Variants in TCEANC observed in about 807,000 individuals in gnomAD.
TCEANC encodes transcription elongation factor A N-terminal and central domain containing.
A neutral mutation model predicts 8.7 loss-of-function variants in TCEANC; 8 were observed. The observed-to-expected ratio is 0.92, with a 90% CI of 0.54 to 1.65. TCEANC has a LOEUF of 1.65. TCEANC is among the 40% of genes most tolerant of loss of function. TCEANC has a pLI of 0.00. For synonymous variants in TCEANC, 78 were observed against 92.9 expected (o/e 0.84, Z 0.92); for missense variants, 255 against 251.9 (o/e 1.01, Z -0.08).
chrX:13,661,866 A>G (rs189558542), intron 1 of TCEANC, among the ~76,000 whole-genome samples: 1 of 112,300 alleles, frequency 8.9e-6, no homozygotes, highest in Admixed American at 9.4e-5. Flanking sequence ...CTTGTTCAGA[A>G]GACTCCTAAG....
chrX:13,662,777 C>T lies in TCEANC; in HGVS notation c.269C>T (p.Pro90Leu), dbSNP rs781199391. The T allele has an allele frequency of 1.2e-5, 15 of 1,209,715 alleles. No homozygotes were observed. Among genetic ancestry groups the T allele is most frequent in the Admixed American group, 2.2e-5 (1 of 45,699 alleles). ...ACTCACTCCAAAGCGAGGAACAGCC[C>T]TAAATTATTTCCTGTGAGGGGTAAT... is the stretch of plus-strand genomic sequence containing the variant. The change falls in exon 2 of 2, where the codon CCT becomes CTT. Residue 90 changes from proline to leucine, a missense_variant. Physicochemically the swap from Pro to Leu is moderately conservative, Grantham distance 98. Transcript: ENST00000380600.
chrX:13,656,762 C>G (rs917894458), intron 1 of TCEANC, among the ~76,000 whole-genome samples: 1 of 112,765 alleles, frequency 8.9e-6, no homozygotes, highest in Non-Finnish European at 1.9e-5. Context: ...GAATATTATT[C>G]ATTCTTAAAA....
At chrX:13,660,924 A>T (rs1220512793) in intron 1 of TCEANC, among the ~76,000 whole-genome samples, 107 bp from the exon 4 acceptor site, 2 of 111,710 alleles carry the variant, frequency 1.8e-5, no homozygotes, top group African/African-American at 3.3e-5. Flanking sequence ...GGCTCACTGC[A>T]AACTCCGCCT....
At chrX:13,656,706 G>A (rs1027112666) in intron 1 of TCEANC, among the ~76,000 whole-genome samples, 3 of 112,962 alleles carry the variant, frequency 2.7e-5, no homozygotes, top group Non-Finnish European at 3.7e-5. Flanking sequence ...TCAAGTATCC[G>A]TTGACATTTG....
At chrX:13,664,903 C>G (rs1427614321) in exon 2 of TCEANC, 1 of 123,206 alleles carries the variant, frequency 8.1e-6, no homozygotes, top group African/African-American at 3.2e-5. Context: ...TTTACTTTGG[C>G]GGTCTCTACA....
chrX:13,654,833 T>TTTTG (rs67785561), upstream of TCEANC, among the ~76,000 whole-genome samples: 2 of 107,612 alleles, frequency 1.9e-5, no homozygotes, highest in Admixed American at 1.0e-4. Context: ...ACCATGGTTT[T>TTTTG]TTTGTTTGTT....
chrX:13,662,732 G>A lies in TCEANC; in HGVS notation c.224G>A (p.Trp75Ter). 1 of 1,211,529 alleles carries A rather than the reference G, an allele frequency of 8.3e-7. No homozygotes were observed. The highest frequency in any genetic ancestry group is 2.2e-5 in the Admixed American group (1 of 45,977). Residue 75 changes from tryptophan (W) to a stop codon, truncating the protein, a stop_gained, in exon 2 of 2, where the codon TGG becomes TAG. Coordinates refer to ENST00000380600, the Ensembl canonical transcript of TCEANC. LOFTEE classifies it low-confidence loss of function (END_TRUNC). ...AAAGCCAAGTGTTTGCTATCAAAGTGGAAAGCTGTTTATAAGCAGACTCAC... is the reference window on the plus strand; with the variant it reads ...AAAGCCAAGTGTTTGCTATCAAAGTAGAAAGCTGTTTATAAGCAGACTCAC...
exon 2 of TCEANC, chrX:13,665,258 G>A (rs1249106266): frequency 8.1e-6 from 1 of 123,620 alleles, no homozygotes; most frequent in Non-Finnish European, 1.9e-5. Context: ...CAGTGGTTAC[G>A]AAAGAGCACA....
chrX:13,655,983 G>A (rs2045921396), intron 1 of TCEANC, among the ~76,000 whole-genome samples: 1 of 112,681 alleles, frequency 8.9e-6, no homozygotes, highest in South Asian at 3.6e-4. Flanking sequence ...AGGGCTTTCA[G>A]CAGGAAAATG....
At chrX:13,662,593 C>T in exon 2 of TCEANC, 1 of 1,211,647 alleles carries the variant, frequency 8.3e-7, no homozygotes, top group South Asian at 1.8e-5. Context: ...TCTTGGCAAC[C>T]ACCTTACTGA....
exon 2 of TCEANC, chrX:13,662,852 T>G (rs754245008): frequency 5.0e-6 from 6 of 1,211,707 alleles, no homozygotes; most frequent in Non-Finnish European, 6.7e-6. Flanking sequence ...AATGAGACAC[T>G]GGGCATCTGC....
intron 1 of TCEANC, among the ~76,000 whole-genome samples, chrX:13,657,676 C>A (rs1177754699): frequency 9.1e-6 from 1 of 110,485 alleles, no homozygotes; most frequent in Non-Finnish European, 1.9e-5. Context: ...GGCGTGGTGG[C>A]ACATGCCTGT....
At chrX:13,656,347 C>A (rs1462432216) in intron 1 of TCEANC, among the ~76,000 whole-genome samples, 6 of 112,441 alleles carry the variant, frequency 5.3e-5, no homozygotes, top group Admixed American at 2.8e-4. Flanking sequence ...CTATGTAGAA[C>A]TAAGCTGGAC....
At chrX:13,657,814 A>G (rs2045934978) in intron 1 of TCEANC, among the ~76,000 whole-genome samples, 1 of 104,021 alleles carries the variant, frequency 9.6e-6, no homozygotes, top group African/African-American at 3.8e-5. Flanking sequence ...TCTCAAAAAA[A>G]AAAAAAAAAA....
Position 13,657,085 on chromosome X carries a change from T to C in TCEANC, c.-9+1712T>C, listed in dbSNP as rs1025262270. Among the ~76,000 whole-genome samples the C allele has an allele frequency of 2.7e-5, 3 of 112,278 alleles. No homozygotes were observed. The Admixed American group carries it at 2.8e-4, about 11-fold the overall frequency. On this transcript the variant is annotated intron_variant, in intron 1 of 1. Transcript: ENST00000380600. ...ATGGGCTCTGTTTTATAGCACTTGA[T>C]ATTAAATAATCACCACCGAACATAC...
At chrX:13,662,750 A>C in exon 2 of TCEANC, 1 of 1,211,846 alleles carries the variant, frequency 8.3e-7, no homozygotes, top group Non-Finnish European at 1.1e-6. Context: ...GTTTATAAGC[A>C]GACTCACTCC....
At chrX:13,663,260 G>C in exon 2 of TCEANC, 1 of 1,203,188 alleles carries the variant, frequency 8.3e-7, no homozygotes, top group Non-Finnish European at 1.1e-6. Context: ...ACGTCTCCAC[G>C]AGAATTTGCT....
chrX:13,663,650 C>T, exon 2 of TCEANC: 1 of 860,182 alleles, frequency 1.2e-6, no homozygotes, highest in South Asian at 3.2e-5. Flanking sequence ...ATCTTATACA[C>T]ACTACTCTCT....
exon 2 of TCEANC, chrX:13,664,981 G>A (rs774066307): frequency 8.1e-6 from 1 of 123,632 alleles, no homozygotes; most frequent in Non-Finnish European, 1.9e-5. Flanking sequence ...AGCTCTGAAG[G>A]CCTAACTGTG....
Sources: gnomAD v4.1 joint callset for allele counts (sites outside exome capture counted in the v4.1 genomes callset) on GRCh38, gnomAD v4.1.1 for gene constraint, MANE v1.5 for transcripts, NCBI Gene and HGNC (gene_info 2026-07-23, HGNC 2026-07-21) for gene names.